ABCA9: variants seen among roughly 807,000 people sequenced by gnomAD.
The protein encoded by ABCA9 is ATP binding cassette subfamily A member 9.
A neutral mutation model predicts 205.3 loss-of-function variants in ABCA9; 183 were observed. That is an observed-to-expected ratio of 0.89 (90% CI 0.79 to 1.01). The LOEUF is 1.01. ABCA9 is among the 50% of genes least tolerant of loss of function. The pLI is 0.00. For missense variants in ABCA9, 1,805 were observed against 1,912.4 expected (o/e 0.94, Z 1.05); for synonymous variants, 651 against 683.3 (o/e 0.95, Z 0.74).
intron 9 of ABCA9, 114 bp from the exon 10 acceptor site, chr17:69,032,390 G>C (rs2071182836): frequency 1.0e-6 from 1 of 959,738 alleles, no homozygotes; most frequent in South Asian, 1.8e-5. Context: ...TCATATTAAG[G>C]TCTGTATTAA....
chr17:69,049,167 T>G, intron 3 of ABCA9, 116 bp downstream of exon 3: 1 of 1,149,392 alleles, frequency 8.7e-7, no homozygotes. Flanking sequence ...TATACGTTAA[T>G]GTTGTTAATA....
At chr17:69,077,435 A>C in the ABCA9 span, among the ~76,000 whole-genome samples, 1 of 152,162 alleles carries the variant, frequency 6.6e-6, no homozygotes, top group Non-Finnish European at 1.5e-5. Context: ...CATGTGGCCA[A>C]TCTTGGAGTA....
intron 1 of ABCA9, chr17:69,051,682 AAGATTAC>A (rs2071905815): frequency 6.6e-6 from 1 of 152,638 alleles, no homozygotes; most frequent in Admixed American, 6.5e-5. Context: ...ATACAGTCCA[AAGATTAC>A]TATGTAGGAT....
At chr17:69,074,428 G>T in the ABCA9 span, among the ~76,000 whole-genome samples, 1 of 152,076 alleles carries the variant, frequency 6.6e-6, no homozygotes, top group Admixed American at 6.6e-5. Context: ...TCCCCTGGGG[G>T]ACTATTGTTG....
intron 6 of ABCA9, among the ~76,000 whole-genome samples, chr17:69,040,731 A>G (rs2071505352): frequency 6.6e-6 from 1 of 151,296 alleles, no homozygotes; most frequent in Admixed American, 6.6e-5. Context: ...TAAAAAATGT[A>G]AAAGAAATTC....
At chr17:68,993,956 A>G (rs2069536003) in intron 26 of ABCA9, among the ~76,000 whole-genome samples, 1 of 151,932 alleles carries the variant, frequency 6.6e-6, no homozygotes, top group African/African-American at 2.4e-5. Flanking sequence ...GCTCACTACA[A>G]CCTCTGCCTC....
At chr17:68,982,494 T>TA in intron 37 of ABCA9, 68 bp downstream of exon 37, 2 of 1,186,898 alleles carry the variant, frequency 1.7e-6, no homozygotes, top group Non-Finnish European at 2.5e-6. Context: ...ATTTTTAAAA[T>TA]ACTGGTTCTA....
intron 14 of ABCA9, 42 bp downstream of exon 14, chr17:69,027,288 A>C: frequency 6.3e-7 from 1 of 1,593,490 alleles, no homozygotes; most frequent in Non-Finnish European, 8.5e-7. Flanking sequence ...ATAATTTTAT[A>C]GTCTTCAATC....
chr17:68,976,092 T>A (rs1314859146), intron 38 of ABCA9, 43 bp downstream of exon 38: 1 of 1,602,934 alleles, frequency 6.2e-7, no homozygotes, highest in African/African-American at 1.3e-5. Context: ...GCATTATACA[T>A]GTATATTCCA....
At chr17:68,980,488 A>G (rs2069015221) in intron 37 of ABCA9, among the ~76,000 whole-genome samples, 1 of 152,070 alleles carries the variant, frequency 6.6e-6, no homozygotes, top group Admixed American at 6.5e-5. Flanking sequence ...ATGCACACGT[A>G]TGTTTATTGC....
chr17:68,985,944 G>GA (rs367959968), intron 32 of ABCA9, among the ~76,000 whole-genome samples: 4 of 146,716 alleles, frequency 2.7e-5, no homozygotes, highest in Admixed American at 6.7e-5. Context: ...CGTCTCAAAA[G>GA]AAAAAAAAAG....
upstream of ABCA9, among the ~76,000 whole-genome samples, chr17:69,062,805 G>A (rs528122161): frequency 9.1e-4 from 138 of 152,180 alleles, no homozygotes; most frequent in Non-Finnish European, 1.6e-3. Context: ...AAGCCACTGC[G>A]CCCGACGTAT....
intron 25 of ABCA9, among the ~76,000 whole-genome samples, chr17:69,004,527 G>A (rs2070036683): frequency 6.6e-6 from 1 of 152,258 alleles, no homozygotes; most frequent in Non-Finnish European, 1.5e-5. Context: ...CTGTCAGACA[G>A]GGACATTTAA....
chr17:68,989,935 A>G lies in ABCA9; in HGVS notation c.3838-5T>C. On this transcript the variant is annotated splice_region_variant and splice_polypyrimidine_tract_variant and intron_variant, in intron 29 of 38. Transcript: ENST00000340001. The stretch of plus-strand genomic sequence containing the variant: ...GCTGGCAATGATGACGGGTGTCTGT[A>G]AAGACAAGTAAATAACAACGGGACT... The G allele has an allele frequency of 1.3e-6, 2 of 1,585,844 alleles. No homozygotes were observed. The highest frequency in any genetic ancestry group is 1.7e-6 in the Non-Finnish European group (2 of 1,159,178).
intron 6 of ABCA9, among the ~76,000 whole-genome samples, chr17:69,040,108 G>C (rs994091797): frequency 5.9e-5 from 9 of 152,174 alleles, no homozygotes; most frequent in African/African-American, 2.2e-4. Flanking sequence ...ATTGTTGGTG[G>C]GAGTGTAAAC....
chr17:69,055,223 C>CA, intron 1 of ABCA9, among the ~76,000 whole-genome samples: 1 of 151,876 alleles, frequency 6.6e-6, no homozygotes, highest in Non-Finnish European at 1.5e-5. Context: ...GAGTAGATGA[C>CA]AAAAAAGATG....
rs1567969786 is a variant in ABCA9, at chr17:69,045,175, A to G, written c.466T>C (p.Ser156Pro). 1.1e-5 allele frequency: 17 copies of G among 1,611,078 alleles called. No individual in the cohort carries two copies. Among genetic ancestry groups the G allele is most frequent in the Non-Finnish European group, 1.2e-5 (14 of 1,179,006 alleles). The change falls in exon 4 of 39, where the codon TCA (serine) becomes CCA (proline). Residue 156 changes from serine to proline, a missense_variant. Ser to Pro is a moderately conservative substitution (Grantham distance 74). Transcript: ENST00000340001. ...TTTTTTCTTCTTCAAAAGTTACCTG[A>G]ATGGTCTCTGTGCTCTTTCATCATG... Reference protein sequence around the residue: ...IPMMKEHRDHSAHCQAVNEKM... With the variant: ...IPMMKEHRDHPAHCQAVNEKM...
chr17:69,059,889 A>C (rs1404048612), intron 1 of ABCA9, among the ~76,000 whole-genome samples: 1 of 152,184 alleles, frequency 6.6e-6, no homozygotes, highest in Non-Finnish European at 1.5e-5. Flanking sequence ...TGAGCTCCTA[A>C]TAATCATGCC....
chr17:69,059,665 G>A (rs1395230628), intron 1 of ABCA9, among the ~76,000 whole-genome samples: 2 of 120,448 alleles, frequency 1.7e-5, no homozygotes, highest in Non-Finnish European at 3.3e-5. Flanking sequence ...TTAAGTTTGT[G>A]GTCATTTTTT....
Sources: gnomAD v4.1 joint callset for allele counts (sites outside exome capture counted in the v4.1 genomes callset) on GRCh38, gnomAD v4.1.1 for gene constraint, MANE v1.5 for transcripts, NCBI Gene and HGNC (gene_info 2026-07-23, HGNC 2026-07-21) for gene names.